ESR1: variants seen among roughly 807,000 people sequenced by gnomAD.
The protein encoded by ESR1 is estrogen receptor.
A neutral mutation model predicts 52.7 loss-of-function variants in ESR1; 12 were observed. The ratio of observed to expected loss-of-function variants is 0.23; its 90% CI spans 0.15 to 0.37. The LOEUF (loss-of-function observed/expected upper bound fraction) is 0.37. Ranked by LOEUF, ESR1 falls within the 10% of genes least tolerant of loss-of-function variation. The pLI, the probability that ESR1 is intolerant of heterozygous loss-of-function variation, is 1.00. For missense variants in ESR1, 584 were observed against 779.7 expected, an observed-to-expected ratio of 0.75 and a Z score of 2.99; for synonymous variants, 305 against 316.8, an observed-to-expected ratio of 0.96 and a Z score of 0.39.
At chr6:151,794,768 G>A (rs1205962783) in intron 2 of ESR1, among the ~76,000 whole-genome samples, 1 of 151,970 alleles carries the variant, frequency 6.6e-6, no homozygotes, top group Non-Finnish European at 1.5e-5. Flanking sequence ...TGGTGTTAAC[G>A]TTCTCCACAC....
intron 2 of ESR1, among the ~76,000 whole-genome samples, chr6:151,846,916 G>A (rs1417927857): frequency 6.6e-6 from 1 of 152,170 alleles, no homozygotes; most frequent in African/African-American, 2.4e-5. Flanking sequence ...CTACCTTTGA[G>A]TATTACTTCA....
At chr6:151,992,661 G>A (rs1299373704) in intron 4 of ESR1, among the ~76,000 whole-genome samples, 1 of 152,110 alleles carries the variant, frequency 6.6e-6, no homozygotes, top group Non-Finnish European at 1.5e-5. Flanking sequence ...GGTGGGTGGG[G>A]AAAGGATGGA....
intron 4 of ESR1, among the ~76,000 whole-genome samples, chr6:151,960,779 G>A (rs1455141669): frequency 1.3e-5 from 2 of 152,172 alleles, no homozygotes; most frequent in Non-Finnish European, 2.9e-5. Context: ...AGGGAGAGCA[G>A]CTAGGACAGG....
intron 5 of ESR1, 67 bp from the exon 6 acceptor site, chr6:152,060,924 T>C (rs1311601558): frequency 2.5e-5 from 33 of 1,333,340 alleles, no homozygotes; most frequent in Non-Finnish European, 3.4e-5. Flanking sequence ...CCCTTTCATG[T>C]CTTGTGGAAG....
At position 151,813,309 on chromosome 6, in the gene ESR1, G is replaced by C; in HGVS notation, c.452+4945G>C. On this transcript the variant is annotated intron_variant, in intron 1 of 7. Transcript: ENST00000206249. ...TAATAAAGTAATAATTTCAAGAAACGTGGGCAAATAAGAAAGAGTATGACT... is the reference window on the plus strand; with the variant it reads ...TAATAAAGTAATAATTTCAAGAAACCTGGGCAAATAAGAAAGAGTATGACT... The C allele has an allele frequency of 1.3e-5, 2 of 152,214 alleles. 1 individual carries two copies. Among genetic ancestry groups the C allele is most frequent in the Middle Eastern group, 6.8e-3 (2 of 294 alleles). The allele number at this position is 152,214 out of a possible 1,614,324, so 9.4% of individuals were successfully genotyped here.
At chr6:151,759,583 C>T (rs1312864074) in intron 2 of ESR1, among the ~76,000 whole-genome samples, 1 of 152,110 alleles carries the variant, frequency 6.6e-6, no homozygotes, top group Non-Finnish European at 1.5e-5. Flanking sequence ...TTAAGGTGTT[C>T]AAATAATTGA....
At chr6:151,848,537 C>T (rs1290640553) in intron 2 of ESR1, among the ~76,000 whole-genome samples, 1 of 151,228 alleles carries the variant, frequency 6.6e-6, no homozygotes, top group African/African-American at 2.4e-5. Flanking sequence ...TGGGGACTCA[C>T]TCTTGTTCAC....
chr6:151,887,931 T>G (rs1045884215), intron 3 of ESR1, among the ~76,000 whole-genome samples: 2 of 151,220 alleles, frequency 1.3e-5, no homozygotes, highest in African/African-American at 4.9e-5. Flanking sequence ...CTAGAAACAT[T>G]TATCAAAGAA....
intron 4 of ESR1, among the ~76,000 whole-genome samples, chr6:151,959,443 A>G (rs1410208403): frequency 5.3e-5 from 8 of 152,312 alleles, no homozygotes; most frequent in Admixed American, 4.6e-4. Context: ...GGATAAACAC[A>G]GCCTTTTTCC....
intron 4 of ESR1, among the ~76,000 whole-genome samples, chr6:151,951,314 T>G (rs892563959): frequency 2.0e-5 from 3 of 152,226 alleles, no homozygotes; most frequent in Admixed American, 2.0e-4. Flanking sequence ...GAAGTATTTT[T>G]CAGACTTCTT....
intron 3 of ESR1, among the ~76,000 whole-genome samples, chr6:151,894,038 A>G (rs546994603): frequency 6.6e-6 from 1 of 152,178 alleles, no homozygotes; most frequent in African/African-American, 2.4e-5. Flanking sequence ...TTCGCTTTTC[A>G]CTACATCCAC....
intron 4 of ESR1, among the ~76,000 whole-genome samples, chr6:151,973,332 G>T (rs1253129402): frequency 1.8e-5 from 2 of 108,574 alleles, no homozygotes; most frequent in African/African-American, 5.5e-5. Context: ...ATTATATTCT[G>T]TCTGCATTCA....
rs957644031 is a variant in ESR1 at position 151,668,789 on chromosome 6, T to G, written n.73+12026T>G. 3.3e-5 allele frequency among the ~76,000 whole-genome samples: 5 copies of G among 152,266 alleles called. No individual in the cohort carries two copies. The South Asian group carries it at 6.2e-4, about 19-fold the overall frequency. On this transcript the variant is annotated intron_variant and non_coding_transcript_variant, in intron 1 of 2. Transcript: ENST00000473497. ...ATGGGTCCTCTCCATTTGGTTTTCC[T>G]GTTAAAGATTTAAAAGAGCAGAAAC... is the stretch of plus-strand genomic sequence containing the variant.
At chr6:151,824,721 G>A (rs1237390494) in intron 1 of ESR1, among the ~76,000 whole-genome samples, 1 of 152,042 alleles carries the variant, frequency 6.6e-6, no homozygotes, top group African/African-American at 2.4e-5. Flanking sequence ...GGGAGGCCAA[G>A]GCCTCCTGGC....
At chr6:151,802,159 C>G (rs1182677158), upstream of ESR1, among the ~76,000 whole-genome samples, 1 of 152,080 alleles carries the variant, frequency 6.6e-6, no homozygotes, top group Admixed American at 6.6e-5. Flanking sequence ...AATTTTGCCT[C>G]AAGAAACAAA....
At chr6:151,859,108 A>C (rs1788416533) in intron 2 of ESR1, among the ~76,000 whole-genome samples, 2 of 152,254 alleles carry the variant, frequency 1.3e-5, no homozygotes, top group Admixed American at 1.3e-4. Context: ...CATGTTCAAT[A>C]ACTTTTCCTT....
chr6:152,028,653 G>A (rs1476839047), intron 5 of ESR1, among the ~76,000 whole-genome samples: 2 of 152,186 alleles, frequency 1.3e-5, no homozygotes, highest in African/African-American at 4.8e-5. Context: ...TGGGAAGCTG[G>A]AACTGGGTGG....
chr6:151,855,834 G>A (rs992262090), intron 2 of ESR1, among the ~76,000 whole-genome samples: 4 of 152,154 alleles, frequency 2.6e-5, no homozygotes, highest in East Asian at 1.9e-4. Context: ...TATGGAGGAG[G>A]TGGTGTTTCA....
At chr6:151,968,613 C>G (rs753616127) in intron 4 of ESR1, among the ~76,000 whole-genome samples, 5 of 152,040 alleles carry the variant, frequency 3.3e-5, no homozygotes, top group Non-Finnish European at 7.4e-5. Context: ...CTCTTTCTTT[C>G]TCTCGATTTT....
Sources: gnomAD v4.1 joint callset for allele counts (sites outside exome capture counted in the v4.1 genomes callset) on GRCh38, gnomAD v4.1.1 for gene constraint, MANE v1.5 for transcripts, NCBI Gene and HGNC (gene_info 2026-07-23, HGNC 2026-07-21) for gene names.